FGFRL1: variants seen among roughly 807,000 people sequenced by gnomAD.
FGFRL1 encodes fibroblast growth factor receptor-like 1.
Under a neutral mutation model 36.8 loss-of-function variants are expected in FGFRL1, and 24 were observed. The observed-to-expected ratio is 0.65, with a 90% CI of 0.47 to 0.92. FGFRL1 has a LOEUF of 0.92. Ranked by LOEUF, FGFRL1 falls within the 40% of genes least tolerant of loss-of-function variation. The probability of loss-of-function intolerance (pLI) is 0.00; values close to 1 mark genes in which losing one functional copy is unlikely to be tolerated. For missense variants in FGFRL1, 785 were observed against 753.4 expected, an observed-to-expected ratio of 1.04 and a Z score of -0.49; for synonymous variants, 422 against 344.1, an observed-to-expected ratio of 1.23 and a Z score of -2.50.
intron 1 of FGFRL1, 158 bp from the exon 2 acceptor site, chr4:1,012,312 C>G (rs546665912): frequency 1.4e-6 from 1 of 699,020 alleles, no homozygotes; most frequent in African/African-American, 1.9e-5. Flanking sequence ...GCCTTTGATA[C>G]CCACAGCTTC....
Position 1,025,437 on chromosome 4 carries a change from A to C in FGFRL1, c.*90A>C. The C allele has an allele frequency of 6.9e-7, 1 of 1,459,034 alleles. No individual in the cohort carries two copies. The allele number at this position is 1,459,034 out of a possible 1,614,324, so 90.4% of individuals were successfully genotyped here. A position where few individuals can be genotyped will look rare whatever the true frequency, so the allele number is the denominator to read the frequency against. On this transcript the variant is annotated 3_prime_UTR_variant, in exon 7 of 7. Transcript: ENST00000510644. ...ACGGAGCTGCAGACGAAGGCAGGGG[A>C]CCCATGGCGAGGAGGAATGGCCAGC...
At position 1,012,458 on chromosome 4, in the gene FGFRL1, CA is replaced by C. The variant is rs780104776; in HGVS notation, c.-16-10del. ...TTCCACGTGTTAGTGACGGCGCCCC[CA>C]ATGTCCCCAGGTCCGGACAGGCCGA... On this transcript the variant is annotated splice_polypyrimidine_tract_variant and intron_variant, in intron 1 of 6. Transcript: ENST00000510644. 6 of 1,575,772 alleles carry C rather than the reference CA, an allele frequency of 3.8e-6. No individual in the cohort carries two copies. Among genetic ancestry groups the C allele is most frequent in the Non-Finnish European group, 1.7e-6 (2 of 1,165,228 alleles).
At chr4:1,017,336 G>A (rs892351744) in intron 2 of FGFRL1, among the ~76,000 whole-genome samples, 6 of 152,148 alleles carry the variant, frequency 3.9e-5, no homozygotes, top group African/African-American at 1.2e-4. Flanking sequence ...TTGGGTAGCC[G>A]GTCAGGGTTG....
intron 2 of FGFRL1, among the ~76,000 whole-genome samples, chr4:1,013,288 C>T (rs867500007): frequency 2.6e-5 from 4 of 152,260 alleles, no homozygotes; most frequent in East Asian, 3.8e-4. Context: ...GACTCATGCC[C>T]GCCATGTTCC....
chr4:1,025,874 CACACACACGT>C lies in FGFRL1; in HGVS notation c.*528_*537del, dbSNP rs1716497311. On this transcript the variant is annotated 3_prime_UTR_variant, in exon 7 of 7. Transcript: ENST00000510644. ...TGCACGGATATTGCCTGGACACACA[CACACACACGT>C]GTGCACAGATATGCTGTCTGGACAC... is the stretch of plus-strand genomic sequence containing the variant. 1 of 182,612 alleles carries C rather than the reference CACACACACGT, an allele frequency of 5.5e-6. No individual in the cohort carries two copies. The allele number at this position is 182,612 out of a possible 1,614,324, so 11.3% of individuals were successfully genotyped here.
chr4:1,021,291 C>T (rs1270834765), intron 2 of FGFRL1, among the ~76,000 whole-genome samples: 2 of 152,024 alleles, frequency 1.3e-5, no homozygotes, highest in African/African-American at 2.4e-5. Flanking sequence ...GGCTTCTCCA[C>T]ATAGGGTGGG....
At chr4:1,020,549 G>A (rs903518567) in intron 2 of FGFRL1, among the ~76,000 whole-genome samples, 15 of 150,284 alleles carry the variant, frequency 1.0e-4, no homozygotes, top group African/African-American at 3.7e-4. Context: ...GCCCACTGGG[G>A]CTGGTCACAC....
At chr4:1,016,444 G>T (rs896137868) in intron 2 of FGFRL1, among the ~76,000 whole-genome samples, 5 of 152,132 alleles carry the variant, frequency 3.3e-5, no homozygotes, top group Non-Finnish European at 7.4e-5. Flanking sequence ...TGCTGTACAA[G>T]GTTCTCTCCA....
rs1212304348 is a variant in FGFRL1, at chr4:1,024,908, C to A, written c.1076C>A (p.Pro359Gln). ...TCCTTTCCTCTCGCTCTTGCAGACC[C>A]AAAACCGCCAGGGCCACCTGTGGCC... ...RSAFLTVLPDPKPPGPPVASS... is the reference protein window; with the variant it reads ...RSAFLTVLPDQKPPGPPVASS... The change falls in exon 7 of 7, where the codon CCA becomes CAA. Residue 359 changes from proline (P) to glutamine (Q), a missense_variant. Physicochemically the swap from Pro to Gln is moderately conservative, Grantham distance 76. Coordinates refer to ENST00000510644, the MANE Select transcript of FGFRL1 (RefSeq NM_001004356.3). The A allele has an allele frequency of 1.3e-6, 2 of 1,588,932 alleles. No homozygotes were observed. Among genetic ancestry groups the A allele is most frequent in the Non-Finnish European group, 1.7e-6 (2 of 1,171,302 alleles).
intron 2 of FGFRL1, among the ~76,000 whole-genome samples, chr4:1,020,597 C>T (rs1055034624): frequency 1.4e-5 from 2 of 144,660 alleles, no homozygotes; most frequent in Admixed American, 6.9e-5. Flanking sequence ...AGCCCAGAGG[C>T]ACCCAGGCAG....
At chr4:1,016,014 C>A (rs1715868196) in intron 2 of FGFRL1, among the ~76,000 whole-genome samples, 1 of 152,138 alleles carries the variant, frequency 6.6e-6, no homozygotes, top group Non-Finnish European at 1.5e-5. Flanking sequence ...GCCTGGGGAG[C>A]TGCAGCGGAC....
intron 1 of FGFRL1, 40 bp from the exon 2 acceptor site, chr4:1,012,430 C>G: frequency 6.4e-7 from 1 of 1,572,142 alleles, no homozygotes; most frequent in Non-Finnish European, 8.6e-7. Context: ...CGGTATCTCC[C>G]AGTTCCACGT....
intron 2 of FGFRL1, among the ~76,000 whole-genome samples, chr4:1,015,299 C>A (rs962581787): frequency 6.6e-6 from 1 of 152,230 alleles, no homozygotes; most frequent in African/African-American, 2.4e-5. Context: ...ACCCACACCC[C>A]TCTCCCCAGA....
chr4:1,014,406 C>G (rs1022661864), intron 2 of FGFRL1, among the ~76,000 whole-genome samples: 1 of 152,202 alleles, frequency 6.6e-6, no homozygotes, highest in Non-Finnish European at 1.5e-5. Context: ...CGTTTCAGGG[C>G]TTTCTGAGAA....
intron 2 of FGFRL1, among the ~76,000 whole-genome samples, chr4:1,019,729 T>G (rs1577563260): frequency 1.3e-5 from 2 of 151,148 alleles, no homozygotes. Flanking sequence ...GCAGGGAGGG[T>G]AGGGAAGGAG....
In FGFRL1 at chr4:1,012,820, C is replaced by T. The variant is rs563877147; in HGVS notation, c.79+256C>T. Reference sequence around the variant, plus strand: ...GCCAGGTGGGCTTTAGTCCTGGCTCCCCAGGACATGCTCCTGGTCTTGCAA... The same window carrying T: ...GCCAGGTGGGCTTTAGTCCTGGCTCTCCAGGACATGCTCCTGGTCTTGCAA... On this transcript the variant is annotated intron_variant, in intron 2 of 6. Transcript: ENST00000510644. 5.6e-4 allele frequency among the ~76,000 whole-genome samples: 86 copies of T among 152,370 alleles called. 3 individuals carry two copies. In the South Asian group the frequency reaches 0.015, roughly 26 times the overall value.
In FGFRL1 at chr4:1,011,693, C is replaced by T. The variant is rs1715590346; in HGVS notation, c.-278C>T. ...GCGCCCCGGGCCCCTCGCCCCGCCG[C>T]CCCGGGATCCCGGCCCCGGCCCCCG... On this transcript the variant is annotated 5_prime_UTR_variant, in exon 1 of 7. Transcript: ENST00000510644. 6.9e-6 allele frequency: 1 copy of T among 144,612 alleles called. No homozygotes were observed. Among genetic ancestry groups the T allele is most frequent in the Admixed American group, 6.8e-5 (1 of 14,620 alleles). 9.0% of individuals were successfully genotyped at this position (144,612 alleles called of 1,614,324 possible). A position where few individuals can be genotyped will look rare whatever the true frequency, so the allele number is the denominator to read the frequency against.
At chr4:1,010,630 A>G (rs979063710), upstream of FGFRL1, among the ~76,000 whole-genome samples, 10 of 151,954 alleles carry the variant, frequency 6.6e-5, no homozygotes, top group African/African-American at 2.4e-4. Flanking sequence ...CGCGGAGTCG[A>G]GGGTGTGAGG....
chr4:1,023,701 A>G lies in FGFRL1; in HGVS notation c.413A>G (p.Asp138Gly). 1 of 1,483,308 alleles carries G rather than the reference A, an allele frequency of 6.7e-7. No homozygotes were observed. Among genetic ancestry groups the G allele is most frequent in the Non-Finnish European group, 9.0e-7 (1 of 1,110,654 alleles). The allele number at this position is 1,483,308 out of a possible 1,614,324, so 91.9% of individuals were successfully genotyped here. A position where few individuals can be genotyped will look rare whatever the true frequency, so the allele number is the denominator to read the frequency against. ...GACAGCTCCTCTGGGGGTCAAGAGG[A>G]CCCCGCCAGCCAGCAGTGGGGTGAG... ...GPDSSSGGQE[D>G]PASQQWARPR... Residue 138 changes from aspartate to glycine, a missense_variant, in exon 4 of 7, where the codon GAC becomes GGC. Coordinates refer to ENST00000510644, the MANE Select transcript of FGFRL1 (RefSeq NM_001004356.3). The surrounding 1 kb of genome is among the most constrained non-coding windows in gnomAD (Gnocchi z 6.0).
Sources: allele counts gnomAD v4.1 joint callset (sites outside exome capture counted in the v4.1 genomes callset), GRCh38; gene constraint gnomAD v4.1.1; non-coding constraint Gnocchi (gnomAD v3.1); transcripts MANE v1.5; gene names NCBI Gene and HGNC (gene_info 2026-07-23, HGNC 2026-07-21).